MACC1: variants seen among roughly 807,000 people sequenced by gnomAD.
MACC1 encodes MET transcriptional regulator MACC1.
In MACC1, 79 loss-of-function variants were observed where a neutral mutation model predicts 70.7. The ratio of observed to expected loss-of-function variants is 1.12; its 90% confidence interval spans 0.93 to 1.35. The LOEUF (loss-of-function observed/expected upper bound fraction) is 1.35, where lower values mean the gene tolerates loss of function less well. MACC1 is among the 40% of genes most tolerant of loss of function. The pLI, the probability that MACC1 is intolerant of heterozygous loss-of-function variation, is 0.00. For synonymous variants in MACC1, 361 were observed against 347.2 expected (o/e 1.04, Z -0.44); for missense variants, 1,106 against 978.1 (o/e 1.13, Z -1.74).
At chr7:20,141,506 GA>G (rs1781801803) in intron 6 of MACC1, among the ~76,000 whole-genome samples, 1 of 151,716 alleles carries the variant, frequency 6.6e-6, no homozygotes, top group Non-Finnish European at 1.5e-5. Flanking sequence ...TACTATTTGA[GA>G]GACTTTTAGA....
In MACC1 at chr7:20,162,937, TAGAATAAGACATCCTATATAGCA is replaced by T. The variant is rs1782159898; in HGVS notation, c.-8-1090_-8-1068del. Among the ~76,000 whole-genome samples the T allele has an allele frequency of 3.3e-5, 5 of 152,166 alleles. No homozygotes were observed. The South Asian group carries it at 1.0e-3, about 32-fold the overall frequency. On this transcript the variant is annotated intron_variant, in intron 3 of 6. Transcript: ENST00000400331. ...AATCCTAAAAAATAAAACCACACAT[TAGAATAAGACATCCTATATAGCA>T]AAGGACATCAGTAAAAACACAAGCC... is the stretch of plus-strand genomic sequence containing the variant.
chr7:20,205,598 C>T (rs1184897784), intron 1 of MACC1, among the ~76,000 whole-genome samples: 1 of 152,134 alleles, frequency 6.6e-6, no homozygotes, highest in South Asian at 2.1e-4. Context: ...ATAATATTCT[C>T]CTTATTTTCC....
chr7:20,164,556 A>G (rs184348246), intron 2 of MACC1, among the ~76,000 whole-genome samples, 157 bp from the exon 3 acceptor site: 17 of 152,322 alleles, frequency 1.1e-4, no homozygotes, highest in African/African-American at 2.6e-4. Context: ...AAAAAATCCA[A>G]TGTTGCAATA....
intron 6 of MACC1, among the ~76,000 whole-genome samples, chr7:20,142,671 A>C (rs1257982038): frequency 2.6e-5 from 4 of 152,266 alleles, no homozygotes; most frequent in Non-Finnish European, 5.9e-5. Context: ...CAGTTGAGAC[A>C]TAGTAATGGA....
chr7:20,205,208 T>C, intron 1 of MACC1, among the ~76,000 whole-genome samples: 1 of 152,226 alleles, frequency 6.6e-6, no homozygotes, highest in Non-Finnish European at 1.5e-5. Flanking sequence ...CTTTTTGCTG[T>C]AACTTCAGTT....
At chr7:20,165,847 T>A (rs78603948) in intron 2 of MACC1, among the ~76,000 whole-genome samples, 2,763 of 152,266 alleles carry the variant, frequency 0.018, 81 homozygotes, top group African/African-American at 0.062. Flanking sequence ...GATCCATTAC[T>A]TTTTTCCTTA....
intron 1 of MACC1, among the ~76,000 whole-genome samples, chr7:20,179,907 T>C (rs866229333): frequency 5.3e-5 from 8 of 152,324 alleles, no homozygotes; most frequent in Admixed American, 2.6e-4. Context: ...TATCACACTG[T>C]ATTTCTGCTC....
intron 1 of MACC1, among the ~76,000 whole-genome samples, chr7:20,205,712 C>G (rs1782901597): frequency 6.6e-6 from 1 of 151,812 alleles, no homozygotes. Flanking sequence ...TTGTTTGTTT[C>G]TTCTCACTTT....
chr7:20,191,505 C>T (rs1035439404), intron 1 of MACC1, among the ~76,000 whole-genome samples: 2 of 152,092 alleles, frequency 1.3e-5, no homozygotes, highest in African/African-American at 4.8e-5. Context: ...GGAGTTGGTG[C>T]TATCAGTGGG....
intron 1 of MACC1, among the ~76,000 whole-genome samples, chr7:20,200,319 C>A (rs1399063289): frequency 6.6e-6 from 1 of 151,950 alleles, no homozygotes; most frequent in Non-Finnish European, 1.5e-5. Context: ...AAAGAGATAA[C>A]AGTTATATCC....
In MACC1 at chr7:20,165,334, G is replaced by C. The variant is rs117608408; in HGVS notation, c.-152-935C>G. Among the ~76,000 whole-genome samples, 1,107 of 152,252 alleles carry C rather than the reference G, an allele frequency of 7.3e-3. 27 individuals carry two copies. Among genetic ancestry groups the C allele is most frequent in the Admixed American group, 0.038 (583 of 15,298 alleles). On this transcript the variant is annotated intron_variant, in intron 2 of 6. Transcript: ENST00000400331. The stretch of plus-strand genomic sequence containing the variant: ...TGCTGATACTGTGGTTCGGTTCCAA[G>C]GGGCACATGCTGAGAACCACATTCT...
chr7:20,200,356 A>G (rs919640354), intron 1 of MACC1, among the ~76,000 whole-genome samples: 1 of 152,220 alleles, frequency 6.6e-6, no homozygotes, highest in Non-Finnish European at 1.5e-5. Context: ...ATTAAGTTAT[A>G]CTTCAAAATA....
At position 20,152,900 on chromosome 7, in the gene MACC1, A is replaced by G. The variant is rs185036126; in HGVS notation, c.2346+1293T>C. Among the ~76,000 whole-genome samples, 156 of 152,346 alleles carry G rather than the reference A, an allele frequency of 1.0e-3. 1 individual carries two copies. Among genetic ancestry groups the G allele is most frequent in the Middle Eastern group, 3.4e-3 (1 of 294 alleles). ...CTGCTTTCAATTAGACAACTTTTTC[A>G]TCAGTTAACTGAAATGTCCGAATCA... On this transcript the variant is annotated intron_variant, in intron 6 of 6. Transcript: ENST00000400331.
At chr7:20,172,963 T>A (rs1361235720) in intron 1 of MACC1, among the ~76,000 whole-genome samples, 3 of 152,204 alleles carry the variant, frequency 2.0e-5, no homozygotes, top group Non-Finnish European at 4.4e-5. Context: ...CTTCCTGGAC[T>A]GCTGTTTAGG....
At chr7:20,150,984 G>T (rs923052857) in intron 6 of MACC1, among the ~76,000 whole-genome samples, 2 of 151,768 alleles carry the variant, frequency 1.3e-5, no homozygotes, top group Non-Finnish European at 2.9e-5. Context: ...GGAGGTGGAG[G>T]TTACAGAGAG....
chr7:20,206,161 C>T (rs1443309837), intron 1 of MACC1, among the ~76,000 whole-genome samples: 6 of 151,578 alleles, frequency 4.0e-5, no homozygotes, highest in Non-Finnish European at 7.4e-5. Context: ...TTTATTATCT[C>T]CTTTCTGGGG....
At chr7:20,209,580 T>C (rs1455918992) in intron 1 of MACC1, among the ~76,000 whole-genome samples, 1 of 152,196 alleles carries the variant, frequency 6.6e-6, no homozygotes, top group Admixed American at 6.5e-5. Context: ...AACTAACTTG[T>C]TTTTGGTTTT....
rs761473889 is a variant in MACC1 at position 20,159,128 on chromosome 7, G to GT, written c.1232dup (p.Asn411LysfsTer18). 3.7e-6 allele frequency: 6 copies of GT among 1,613,846 alleles called. No individual in the cohort carries two copies. In the East Asian group the frequency reaches 1.1e-4, roughly 30 times the overall value. On this transcript the variant is annotated frameshift_variant, in exon 5 of 7. Coordinates refer to ENST00000400331, the MANE Select transcript of MACC1 (RefSeq NM_182762.4). LOFTEE classifies it high-confidence loss of function. Reference sequence around the variant, plus strand: ...AGAGCTGAAACACAACTGGAGATATGTTTTTTCCACCCTTCTTAATATCAG... The same window carrying GT: ...AGAGCTGAAACACAACTGGAGATATGTTTTTTTCCACCCTTCTTAATATCAG...
intron 4 of MACC1, among the ~76,000 whole-genome samples, chr7:20,161,123 C>T (rs1235532247): frequency 6.6e-6 from 1 of 151,940 alleles, no homozygotes; most frequent in Non-Finnish European, 1.5e-5. Context: ...CGTACTTGGT[C>T]ATTTCTTAGT....
Sources: allele counts gnomAD v4.1 joint callset (sites outside exome capture counted in the v4.1 genomes callset), GRCh38; gene constraint gnomAD v4.1.1; transcripts MANE v1.5; gene names NCBI Gene and HGNC (gene_info 2026-07-23, HGNC 2026-07-21).